Variants in SCLY observed in about 807,000 individuals in gnomAD.
SCLY encodes the protein selenocysteine lyase, also known as putative selenocysteine lyase.
Under a neutral mutation model 50.1 loss-of-function variants are expected in SCLY, and 38 were observed. The ratio of observed to expected loss-of-function variants is 0.76; its 90% CI spans 0.59 to 0.99. The LOEUF is 0.99. Among genes scored for constraint, SCLY ranks in the 50% least tolerant of loss-of-function variants. SCLY has a pLI of 0.00. For missense variants in SCLY, 600 were observed against 620.0 expected (o/e 0.97, Z 0.34); for synonymous variants, 243 against 249.4 (o/e 0.97, Z 0.24).
intron 11 of SCLY, among the ~76,000 whole-genome samples, chr2:238,097,118 G>C (rs78710433): frequency 6.6e-6 from 1 of 151,052 alleles, no homozygotes; most frequent in Non-Finnish European, 1.5e-5. Context: ...AAGGCGGAGG[G>C]AGGGCAGGGC....
chr2:238,089,946 T>G (rs1164248835), intron 7 of SCLY, among the ~76,000 whole-genome samples: 1 of 152,218 alleles, frequency 6.6e-6, no homozygotes, highest in Admixed American at 6.5e-5. Context: ...TTAAAGCTTT[T>G]GCTCTGGGAA....
At chr2:238,076,352 A>G (rs1026122957) in intron 4 of SCLY, among the ~76,000 whole-genome samples, 1 of 152,150 alleles carries the variant, frequency 6.6e-6, no homozygotes, top group African/African-American at 2.4e-5. Context: ...TTGGCCTCCA[A>G]AAGTGCTGGG....
At position 238,069,775 on chromosome 2, in the gene SCLY, T is replaced by C. The variant is rs2065109789; in HGVS notation, c.484+298T>C. 5 of 305,142 alleles carry C rather than the reference T, an allele frequency of 1.6e-5. No individual in the cohort carries two copies. The allele number at this position is 305,142 out of a possible 1,614,324, so 18.9% of individuals were successfully genotyped here. A position where few individuals can be genotyped will look rare whatever the true frequency, so the allele number is the denominator to read the frequency against. ...TTCATTGAGAATGAATATGTAGAAC[T>C]AGCCATTTGTATAACTGAGTGATAT... On this transcript the variant is annotated intron_variant, in intron 4 of 11. Coordinates refer to ENST00000254663, the MANE Select transcript of SCLY (RefSeq NM_016510.7). This position sits in a 1 kb window ranked among gnomAD's most constrained non-coding sequence, Gnocchi z 5.0.
Position 238,083,597 on chromosome 2 carries a change from A to G in SCLY, c.884+243A>G, listed in dbSNP as rs944316885. On this transcript the variant is annotated intron_variant, in intron 7 of 11. Transcript: ENST00000254663. This position sits in a 1 kb window ranked among gnomAD's most constrained non-coding sequence, Gnocchi z 4.3. ...ATCTCTGTTTCTTTTAACTGCTCCA[A>G]TGCATCCAATTCCCCTTGTAATTTT... Among the ~76,000 whole-genome samples, 5 of 152,188 alleles carry G rather than the reference A, an allele frequency of 3.3e-5. No homozygotes were observed. The highest frequency in any genetic ancestry group is 1.3e-4 in the Admixed American group (2 of 15,278).
chr2:238,073,134 G>A (rs1349961243), intron 4 of SCLY, among the ~76,000 whole-genome samples: 3 of 152,100 alleles, frequency 2.0e-5, no homozygotes, highest in African/African-American at 7.2e-5. Context: ...TCCATGGATG[G>A]TCTTGGCACC....
Position 238,067,248 on chromosome 2 carries a change from G to A in SCLY, c.203-817G>A, listed in dbSNP as rs59615372. Among the ~76,000 whole-genome samples, 998 of 152,294 alleles carry A rather than the reference G, an allele frequency of 6.6e-3. 13 individuals carry two copies. The highest frequency in any genetic ancestry group is 0.023 in the African/African-American group (962 of 41,566). ...CTAAAACTGACATCTATACAGTAGC[G>A]TTAAGGAGCAGCAGAATTACTTTGC... On this transcript the variant is annotated intron_variant, in intron 2 of 11. Transcript: ENST00000254663. The surrounding 1 kb of genome is among the most constrained non-coding windows in gnomAD (Gnocchi z 4.3).
chr2:238,069,496 G>A lies in SCLY; in HGVS notation c.484+19G>A, dbSNP rs770733546. 1 of 1,589,704 alleles carries A rather than the reference G, an allele frequency of 6.3e-7. No homozygotes were observed. The highest frequency in any genetic ancestry group is 8.6e-7 in the Non-Finnish European group (1 of 1,168,662). On this transcript the variant is annotated intron_variant, in intron 4 of 11. Coordinates refer to ENST00000254663, the MANE Select transcript of SCLY (RefSeq NM_016510.7). The surrounding 1 kb of genome is among the most constrained non-coding windows in gnomAD (Gnocchi z 5.0). ...GTGGCAGGTGAGTGAGTGCAGGGTG[G>A]CCCTGGGACCAGCCTGCTGAGCTCC...
In SCLY at chr2:238,069,879, GT is replaced by G. The variant is rs2065110620; in HGVS notation, c.484+406del. ...GGCAAATGATGCTTGTCATTATTTG[GT>G]TTTCATCATAAAATCTCAGCTCCCA... is the stretch of plus-strand genomic sequence containing the variant. On this transcript the variant is annotated intron_variant, in intron 4 of 11. Coordinates refer to ENST00000254663, the MANE Select transcript of SCLY (RefSeq NM_016510.7). This position sits in a 1 kb window ranked among gnomAD's most constrained non-coding sequence, Gnocchi z 5.0. 6.3e-6 allele frequency: 1 copy of G among 157,556 alleles called. No individual in the cohort carries two copies. The highest frequency in any genetic ancestry group is 2.0e-4 in the South Asian group (1 of 4,948). 9.8% of individuals were successfully genotyped at this position (157,556 alleles called of 1,614,324 possible).
At chr2:238,079,068 C>CTTTTTTTTTTTTTTTTTTT (rs59238768) in intron 4 of SCLY, 2 of 93,180 alleles carry the variant, frequency 2.1e-5, no homozygotes, top group Admixed American at 1.5e-4. Flanking sequence ...CTTTCTTTTT[C>CTTTTTTTTTTTTTTTTTTT]TTTTTTTTTT....
chr2:238,073,373 C>T (rs1414427806), intron 4 of SCLY, among the ~76,000 whole-genome samples: 8 of 152,128 alleles, frequency 5.3e-5, no homozygotes, highest in Non-Finnish European at 1.5e-5. Flanking sequence ...TTAGGATCAG[C>T]TTGTTAAATT....
rs2065071971 is a variant in SCLY at position 238,066,444 on chromosome 2, CT to C, written c.203-1620del. 6.6e-6 allele frequency among the ~76,000 whole-genome samples: 1 copy of C among 152,230 alleles called. No homozygotes were observed. Among genetic ancestry groups the C allele is most frequent in the African/African-American group, 2.4e-5 (1 of 41,452 alleles). On this transcript the variant is annotated intron_variant, in intron 2 of 11. Coordinates refer to ENST00000254663, the MANE Select transcript of SCLY (RefSeq NM_016510.7). The surrounding 1 kb of genome is among the most constrained non-coding windows in gnomAD (Gnocchi z 4.1). ...GCACTGACTGAGCACCAGCTGTGTA[CT>C]CAGCACCCTGTTGGGGGAGGGATGA... is the stretch of plus-strand genomic sequence containing the variant.
Position 238,066,473 on chromosome 2 carries a change from C to G in SCLY, c.203-1592C>G, listed in dbSNP as rs572123422. On this transcript the variant is annotated intron_variant, in intron 2 of 11. Transcript: ENST00000254663. The surrounding 1 kb of genome is among the most constrained non-coding windows in gnomAD (Gnocchi z 4.1). ...GCACCCTGTTGGGGGAGGGATGAAGCACGGTGCCCAAAATGTATTTGGGTT... is the reference window on the plus strand; with the variant it reads ...GCACCCTGTTGGGGGAGGGATGAAGGACGGTGCCCAAAATGTATTTGGGTT... 6.6e-6 allele frequency among the ~76,000 whole-genome samples: 1 copy of G among 152,180 alleles called. No individual in the cohort carries two copies. Among genetic ancestry groups the G allele is most frequent in the African/African-American group, 2.4e-5 (1 of 41,442 alleles).
In SCLY at chr2:238,098,222, G is replaced by A; in HGVS notation, c.1205G>A (p.Ser402Asn). 1.9e-6 allele frequency: 3 copies of A among 1,611,044 alleles called. No homozygotes were observed. Among genetic ancestry groups the A allele is most frequent in the Non-Finnish European group, 1.7e-6 (2 of 1,179,594 alleles). The change falls in exon 12 of 12, where the codon AGC (serine) becomes AAC (asparagine). Residue 402 changes from serine (S) to asparagine (N), a missense_variant. Physicochemically the swap from Ser to Asn is conservative, Grantham distance 46. Transcript: ENST00000254663. ...HGDQPSPVLL[S>N]YGVPFDVARN... ...CCCAGGCCGTCCCCAGTGCTGCTGA[G>A]CTACGGTGTCCCCTTCGACGTGGCC...
chr2:238,092,853 C>T (rs554918879), intron 8 of SCLY: 5 of 153,142 alleles, frequency 3.3e-5, no homozygotes, highest in South Asian at 2.1e-4. Context: ...GCCTTGGTTG[C>T]GTGCTGGCAG....
chr2:238,081,516 C>T lies in SCLY; in HGVS notation c.485-193C>T, dbSNP rs1329808180. On this transcript the variant is annotated intron_variant, in intron 4 of 11. Transcript: ENST00000254663. ...ACTGACTGCAGCCGCGTTAAAGACA[C>T]GTTCACACTGAAGCACCTGACAGTG... is the stretch of plus-strand genomic sequence containing the variant. The T allele has an allele frequency of 7.5e-6, 5 of 664,580 alleles. No homozygotes were observed. In the East Asian group the frequency reaches 8.6e-5, roughly 11 times the overall value. 41.2% of individuals were successfully genotyped at this position (664,580 alleles called of 1,614,324 possible).
At chr2:238,065,062 T>C (rs13002901) in intron 2 of SCLY, 15,365 of 152,252 alleles carry the variant, frequency 0.1, 940 homozygotes, top group East Asian at 0.16. Flanking sequence ...ATTTCATGTT[T>C]ATGAGAGATA....
chr2:238,091,490 C>T, intron 8 of SCLY: 1 of 545,820 alleles, frequency 1.8e-6, no homozygotes, highest in Non-Finnish European at 3.3e-6. Context: ...TGTGTCTCTT[C>T]TGACATGAGA....
chr2:238,078,560 CTAATT>C (rs1357923627), intron 4 of SCLY: 1 of 152,036 alleles, frequency 6.6e-6, no homozygotes, highest in African/African-American at 2.4e-5. Flanking sequence ...CAAATTTATA[CTAATT>C]TAATTCCAGT....
chr2:238,082,588 A>G (rs2065249814), intron 6 of SCLY: 1 of 216,084 alleles, frequency 4.6e-6, no homozygotes, highest in Non-Finnish European at 9.4e-6. Context: ...AGGGACAGGA[A>G]ATCGTTGCTT....
Sources: allele counts gnomAD v4.1 joint callset (sites outside exome capture counted in the v4.1 genomes callset), GRCh38; gene constraint gnomAD v4.1.1; non-coding constraint Gnocchi (gnomAD v3.1); transcripts MANE v1.5; gene names NCBI Gene and HGNC (gene_info 2026-07-23, HGNC 2026-07-21).